Variants in DMTN observed in about 807,000 individuals in gnomAD.
DMTN encodes the protein dematin.
DMTN carries 27 observed loss-of-function variants against 59.4 expected under a neutral mutation model. The ratio of observed to expected loss-of-function variants is 0.45; its 90% CI spans 0.33 to 0.63. The LOEUF (loss-of-function observed/expected upper bound fraction) is 0.63, where lower values mean the gene tolerates loss of function less well. DMTN is among the 20% of genes least tolerant of loss of function. The pLI, the probability that DMTN is intolerant of heterozygous loss-of-function variation, is 0.02. For synonymous variants in DMTN, 221 were observed against 203.7 expected (o/e 1.08, Z -0.72); for missense variants, 451 against 528.9 (o/e 0.85, Z 1.45).
intron 1 of DMTN, among the ~76,000 whole-genome samples, chr8:22,065,031 A>C (rs1490886549): frequency 6.6e-6 from 1 of 152,218 alleles, no homozygotes; most frequent in Non-Finnish European, 1.5e-5. Flanking sequence ...CAAAGTACCT[A>C]GCACATAATG....
chr8:22,049,635 T>C (rs2129740312), upstream of DMTN, among the ~76,000 whole-genome samples: 1 of 149,032 alleles, frequency 6.7e-6, no homozygotes, highest in East Asian at 2.0e-4. Context: ...AGCGCTCTCT[T>C]CTGGGGGTGG....
At chr8:22,071,815 C>T (rs928187546) in intron 8 of DMTN, among the ~76,000 whole-genome samples, 10 of 152,056 alleles carry the variant, frequency 6.6e-5, no homozygotes, top group Non-Finnish European at 1.2e-4. Flanking sequence ...CTCCTGACCT[C>T]GTGATCCGCC....
Position 22,081,623 on chromosome 8 carries a change from T to C in DMTN, c.*160T>C, listed in dbSNP as rs80102538. ...CTCTGCAGTCCCCGGCAGTGAGCTA[T>C]GGACTTTCTTCCCCCTCACAAGGCT... On this transcript the variant is annotated 3_prime_UTR_variant, in exon 16 of 16. Coordinates refer to ENST00000358242, the MANE Select transcript of DMTN (RefSeq NM_001387751.1). 5.6e-3 allele frequency: 3,612 copies of C among 642,100 alleles called. 109 individuals carry two copies. The African/African-American group carries it at 0.059, about 11-fold the overall frequency. The allele number at this position is 642,100 out of a possible 1,614,324, so 39.8% of individuals were successfully genotyped here.
chr8:22,057,277 GC>G, intron 1 of DMTN, 141 bp downstream of exon 1: 1 of 152,638 alleles, frequency 6.6e-6, no homozygotes, highest in Non-Finnish European at 1.5e-5. Flanking sequence ...GGATGGGCCG[GC>G]CCCTGGGACC....
intron 9 of DMTN, among the ~76,000 whole-genome samples, 162 bp from the exon 10 acceptor site, chr8:22,073,568 T>C (rs1817341638): frequency 6.8e-6 from 1 of 146,782 alleles, no homozygotes; most frequent in Admixed American, 6.9e-5. Context: ...GAGGTCAAGG[T>C]TGCAGTGAGC....
chr8:22,051,874 C>T (rs184042405), upstream of DMTN, among the ~76,000 whole-genome samples: 3 of 152,348 alleles, frequency 2.0e-5, no homozygotes, highest in African/African-American at 4.8e-5. Context: ...GCTCTACCCA[C>T]GCCACACTAT....
upstream of DMTN, among the ~76,000 whole-genome samples, chr8:22,053,097 C>A (rs1044253580): frequency 6.6e-6 from 1 of 152,062 alleles, no homozygotes; most frequent in Non-Finnish European, 1.5e-5. Context: ...AAAACGGGCA[C>A]GAGAATCAAG....
At chr8:22,054,241 C>T (rs1801724638), upstream of DMTN, among the ~76,000 whole-genome samples, 1 of 152,134 alleles carries the variant, frequency 6.6e-6, no homozygotes, top group Admixed American at 6.5e-5. Flanking sequence ...CCTGGCTGGG[C>T]TGAGCACTCT....
chr8:22,079,939 T>G (rs1180035796), intron 10 of DMTN, among the ~76,000 whole-genome samples: 2 of 152,188 alleles, frequency 1.3e-5, no homozygotes, highest in African/African-American at 2.4e-5. Flanking sequence ...AGTTGTATAT[T>G]TGGGCCACTT....
rs1380014718 is a variant in DMTN at position 22,073,653 on chromosome 8, GAAAGAAAAAA to G, written c.730-73_730-64del. The stretch of plus-strand genomic sequence containing the variant: ...CTCAAAAAAAAAAAAAAAAAAAAAA[GAAAGAAAAAA>G]AAAAAGAGAAAAAAGAAACATTCAA... On this transcript the variant is annotated intron_variant, in intron 9 of 15. Coordinates refer to ENST00000358242, the MANE Select transcript of DMTN (RefSeq NM_001387751.1). The G allele has an allele frequency of 6.4e-4, 462 of 718,536 alleles. 17 individuals are homozygous for G. The highest frequency in any genetic ancestry group is 8.0e-4 in the Non-Finnish European group (415 of 519,448). The allele number at this position is 718,536 out of a possible 1,614,324, so 44.5% of individuals were successfully genotyped here.
chr8:22,063,938 C>T (rs1269139187), intron 1 of DMTN, among the ~76,000 whole-genome samples: 1 of 152,166 alleles, frequency 6.6e-6, no homozygotes, highest in African/African-American at 2.4e-5. Flanking sequence ...TAAGACTTAC[C>T]ACAGAGTCCT....
At chr8:22,064,953 C>T (rs1241149544) in intron 1 of DMTN, among the ~76,000 whole-genome samples, 1 of 152,190 alleles carries the variant, frequency 6.6e-6, no homozygotes, top group African/African-American at 2.4e-5. Flanking sequence ...GTTTCCTTAT[C>T]TGTAAATGGG....
At chr8:22,061,523 C>T (rs922194979) in intron 1 of DMTN, among the ~76,000 whole-genome samples, 1 of 152,118 alleles carries the variant, frequency 6.6e-6, no homozygotes, top group African/African-American at 2.4e-5. Flanking sequence ...TCACCTTTCA[C>T]CTCTCTGAGT....
At position 22,072,447 on chromosome 8, in the gene DMTN, T is replaced by G; in HGVS notation, c.726T>G (p.Ser242Arg). 1.9e-6 allele frequency: 3 copies of G among 1,558,108 alleles called. No homozygotes were observed. The highest frequency in any genetic ancestry group is 1.9e-5 in the Admixed American group (1 of 52,648). Residue 242 changes from serine to arginine, a missense_variant, in exon 9 of 16, where the codon AGT (serine) becomes AGG (arginine). Ser to Arg is a moderately radical substitution (Grantham distance 110, BLOSUM62 -1). Coordinates refer to ENST00000358242, the MANE Select transcript of DMTN (RefSeq NM_001387751.1). Reference sequence around the variant, plus strand: ...GGGAGCGTCAGAGAGAGGAACTCAGTAAGGTAGCATCTCACCACCCCCACC... The same window carrying G: ...GGGAGCGTCAGAGAGAGGAACTCAGGAAGGTAGCATCTCACCACCCCCACC... ...ALRERQREEL[S>R]KVTSNLGKMI... is the part of the protein sequence containing the mutation.
At chr8:22,070,398 T>A (rs758766708) in intron 8 of DMTN, 64 bp downstream of exon 8, 1 of 1,525,814 alleles carries the variant, frequency 6.6e-7, no homozygotes, top group African/African-American at 1.4e-5. Context: ...TCCCCTTGGC[T>A]CTTGCTGCAG....
chr8:22,075,064 G>A (rs1818627995), intron 10 of DMTN, among the ~76,000 whole-genome samples: 2 of 151,858 alleles, frequency 1.3e-5, no homozygotes, highest in South Asian at 2.1e-4. Context: ...GCGCATGTCT[G>A]TAATCCCAGC....
intron 10 of DMTN, among the ~76,000 whole-genome samples, chr8:22,076,282 T>A (rs1819728572): frequency 6.6e-6 from 1 of 151,778 alleles, no homozygotes; most frequent in Admixed American, 6.6e-5. Context: ...AAAGTAAGAT[T>A]GTACAGAGAG....
chr8:22,057,691 C>T (rs1803465817), intron 1 of DMTN, among the ~76,000 whole-genome samples: 2 of 152,168 alleles, frequency 1.3e-5, no homozygotes, highest in South Asian at 4.1e-4. Context: ...CAAGCCCAAG[C>T]CCAGTACTCC....
intron 1 of DMTN, among the ~76,000 whole-genome samples, chr8:22,062,260 A>T (rs997596338): frequency 0.062 from 14 of 224 alleles, no homozygotes; most frequent in Middle Eastern, 0.5. Context: ...CAGCTAATTA[A>T]AAAAAAAAAA....
Sources: allele counts gnomAD v4.1 joint callset (sites outside exome capture counted in the v4.1 genomes callset), GRCh38; gene constraint gnomAD v4.1.1; transcripts MANE v1.5; gene names NCBI Gene and HGNC (gene_info 2026-07-23, HGNC 2026-07-21).